The following NOSTRIN variants were observed in gnomAD, a reference collection of about 807,000 sequenced individuals.
NOSTRIN encodes nitric oxide synthase trafficking.
NOSTRIN carries 63 observed loss-of-function variants against 59.0 expected under a neutral mutation model. That is an observed-to-expected ratio of 1.07 (90% CI 0.87 to 1.32). NOSTRIN has a LOEUF of 1.32. NOSTRIN is among the 40% of genes most tolerant of loss of function. The pLI, the probability that NOSTRIN is intolerant of heterozygous loss-of-function variation, is 0.00. For missense variants in NOSTRIN, 512 were observed against 473.1 expected (o/e 1.08, Z -0.76); for synonymous variants, 200 against 165.4 (o/e 1.21, Z -1.61).
Position 168,850,913 on chromosome 2 carries a change from A to G in NOSTRIN, c.631-171A>G, listed in dbSNP as rs777140156. On this transcript the variant is annotated intron_variant, in intron 8 of 15. Coordinates refer to ENST00000317647, the MANE Select transcript of NOSTRIN (RefSeq NM_001039724.4). ...AGTGTGTGAGTGATTTAAGATACCA[A>G]GACACATTCCTTCCTGGAAATCTCC... 3.8e-6 allele frequency: 3 copies of G among 799,084 alleles called. No individual in the cohort carries two copies. The African/African-American group carries it at 5.0e-5, about 13-fold the overall frequency. 49.5% of individuals were successfully genotyped at this position (799,084 alleles called of 1,614,324 possible). A position where few individuals can be genotyped will look rare whatever the true frequency, so the allele number is the denominator to read the frequency against.
intron 11 of NOSTRIN, chr2:168,856,317 C>T: frequency 7.5e-6 from 2 of 265,450 alleles, no homozygotes; most frequent in South Asian, 4.3e-5. Flanking sequence ...TGGCTCACGC[C>T]TATAATCCTA....
intron 2 of NOSTRIN, among the ~76,000 whole-genome samples, chr2:168,823,298 GA>G (rs2105605593): frequency 6.6e-6 from 1 of 152,342 alleles, no homozygotes; most frequent in East Asian, 1.9e-4. Flanking sequence ...TTACAGGCGT[GA>G]GCCACCGCGC....
rs1237698747 is a variant in NOSTRIN at position 168,856,747 on chromosome 2, G to T, written c.1022G>T (p.Ser341Ile). 6.2e-7 allele frequency: 1 copy of T among 1,614,024 alleles called. No individual in the cohort carries two copies. Among genetic ancestry groups the T allele is most frequent in the Non-Finnish European group, 8.5e-7 (1 of 1,180,006 alleles). ...ACCTCCTCCTTCTCTGATGCAAAGA[G>T]CCAGAAAGACACAGCAGCGTTAATG... is the stretch of plus-strand genomic sequence containing the variant. The part of the protein sequence containing the change: ...SSTSSFSDAK[S>I]QKDTAALMDE... Residue 341 changes from serine (S) to isoleucine (I), a missense_variant, in exon 12 of 16, where the codon AGC (serine) becomes ATC (isoleucine). By Grantham distance (142) the Ser-to-Ile change is moderately radical. Coordinates refer to ENST00000317647, the MANE Select transcript of NOSTRIN (RefSeq NM_001039724.4).
At chr2:168,794,477 G>A (rs1469678522), upstream of NOSTRIN, among the ~76,000 whole-genome samples, 1 of 151,410 alleles carries the variant, frequency 6.6e-6, no homozygotes, top group African/African-American at 2.4e-5. Context: ...TCAGCCTCCT[G>A]AGTAGCTGGG....
At position 168,843,060 on chromosome 2, in the gene NOSTRIN, C is replaced by A; in HGVS notation, c.573C>A (p.Asn191Lys). ...AAGATGAAAATTACTACCAAAAAAA[C>A]ATGGCGGGTTATTCTACCAGACTGA... is the stretch of plus-strand genomic sequence containing the variant. ...EKEDENYYQK[N>K]MAGYSTRLKW... is the part of the protein sequence containing the mutation. Residue 191 changes from asparagine (N) to lysine (K), a missense_variant, in exon 8 of 16, where the codon AAC becomes AAA. Coordinates refer to ENST00000317647, the MANE Select transcript of NOSTRIN (RefSeq NM_001039724.4). The A allele has an allele frequency of 1.1e-6, 1 of 872,612 alleles. No individual in the cohort carries two copies. The highest frequency in any genetic ancestry group is 2.4e-5 in the East Asian group (1 of 41,682). The allele number at this position is 872,612 out of a possible 1,614,324, so 54.1% of individuals were successfully genotyped here.
intron 12 of NOSTRIN, among the ~76,000 whole-genome samples, chr2:168,857,340 T>C (rs1227257861): frequency 6.6e-6 from 1 of 152,060 alleles, no homozygotes; most frequent in African/African-American, 2.4e-5. Flanking sequence ...TATCGGAGAA[T>C]AACAGGGGAA....
chr2:168,824,262 T>C (rs2105612301), intron 2 of NOSTRIN, among the ~76,000 whole-genome samples: 1 of 152,214 alleles, frequency 6.6e-6, no homozygotes, highest in African/African-American at 2.4e-5. Context: ...TGTGCATCTG[T>C]GTGTATGTTT....
At chr2:168,834,107 T>A in intron 6 of NOSTRIN, 120 bp from the exon 7 acceptor site, 1 of 626,344 alleles carries the variant, frequency 1.6e-6, no homozygotes, top group Non-Finnish European at 2.9e-6. Context: ...CTTTGGAGGA[T>A]TCTAGGATAC....
chr2:168,843,940 C>T (rs1326635209), intron 8 of NOSTRIN, among the ~76,000 whole-genome samples: 8 of 152,220 alleles, frequency 5.3e-5, no homozygotes, highest in Middle Eastern at 3.4e-3. Context: ...AAAAACTGTA[C>T]GCAATCTTCA....
At position 168,803,239 on chromosome 2, in the gene NOSTRIN, A is replaced by G. The variant is rs191183623; in HGVS notation, c.27+566A>G. 4.1e-4 allele frequency among the ~76,000 whole-genome samples: 63 copies of G among 152,330 alleles called. 1 individual carries two copies. The highest frequency in any genetic ancestry group is 1.2e-4 in the Non-Finnish European group (8 of 68,030). Reference sequence around the variant, plus strand: ...TTGGTAATGTTTGGAGCACTACCAAAAATATAAGTTTGGTCAGAAGTCCAA... The same window carrying G: ...TTGGTAATGTTTGGAGCACTACCAAGAATATAAGTTTGGTCAGAAGTCCAA... On this transcript the variant is annotated intron_variant, in intron 1 of 15. Coordinates refer to ENST00000317647, the MANE Select transcript of NOSTRIN (RefSeq NM_001039724.4).
chr2:168,847,552 T>C (rs1394290028), intron 8 of NOSTRIN, among the ~76,000 whole-genome samples: 2 of 152,240 alleles, frequency 1.3e-5, no homozygotes, highest in Non-Finnish European at 2.9e-5. Flanking sequence ...CTTTGACTTC[T>C]TCCTGTAGTA....
upstream of NOSTRIN, chr2:168,802,494 C>T (rs1347261337): frequency 4.6e-6 from 3 of 653,998 alleles, no homozygotes; most frequent in Non-Finnish European, 8.4e-6. Context: ...GGATGAAAGT[C>T]CAGGGCTGGG....
Position 168,855,357 on chromosome 2 carries a change from A to C in NOSTRIN, c.861A>C (p.Glu287Asp). 4 of 1,549,654 alleles carry C rather than the reference A, an allele frequency of 2.6e-6. No individual in the cohort carries two copies. Among genetic ancestry groups the C allele is most frequent in the Non-Finnish European group, 1.8e-6 (2 of 1,135,982 alleles). ...ATCCTTCTTTTTTCCTAAAGGAAGA[A>C]GATCCTAACAGTGCAATGGATAAAG... ...SEFLLTDYFE[E>D]DPNSAMDKER... The change falls in exon 11 of 16, where the codon GAA becomes GAC. Residue 287 changes from glutamate (E) to aspartate (D), a missense_variant. Coordinates refer to ENST00000317647, the MANE Select transcript of NOSTRIN (RefSeq NM_001039724.4).
intron 15 of NOSTRIN, among the ~76,000 whole-genome samples, chr2:168,863,039 C>T (rs1169868650): frequency 6.6e-6 from 1 of 152,226 alleles, no homozygotes; most frequent in East Asian, 1.9e-4. Flanking sequence ...GACAGACATA[C>T]TTCCCAGATG....
At chr2:168,812,744 C>T (rs1049421403) in intron 2 of NOSTRIN, among the ~76,000 whole-genome samples, 1 of 152,170 alleles carries the variant, frequency 6.6e-6, no homozygotes, top group Non-Finnish European at 1.5e-5. Flanking sequence ...GCACCACCAT[C>T]TCTGAGCAGA....
chr2:168,849,670 CAA>C (rs10650489), intron 8 of NOSTRIN, among the ~76,000 whole-genome samples: 1,839 of 118,672 alleles, frequency 0.015, 19 homozygotes, highest in Non-Finnish European at 0.023. Context: ...CTTGTTTTTA[CAA>C]AAAAAAAAAA....
intron 3 of NOSTRIN, among the ~76,000 whole-genome samples, chr2:168,826,827 T>C (rs1292457220): frequency 6.6e-6 from 1 of 152,244 alleles, no homozygotes; most frequent in African/African-American, 2.4e-5. Context: ...ACCACTAAAA[T>C]CAAAACATAG....
chr2:168,843,728 T>C (rs913485622), intron 8 of NOSTRIN, among the ~76,000 whole-genome samples: 5 of 152,254 alleles, frequency 3.3e-5, no homozygotes, highest in African/African-American at 9.6e-5. Context: ...TATCAAGTGT[T>C]GGTAAGGATG....
chr2:168,854,590 T>C lies in NOSTRIN; in HGVS notation c.856-762T>C, dbSNP rs148205575. Among the ~76,000 whole-genome samples the C allele has an allele frequency of 3.9e-3, 598 of 152,304 alleles. 1 individual carries two copies. The highest frequency in any genetic ancestry group is 6.8e-3 in the Middle Eastern group (2 of 294). On this transcript the variant is annotated intron_variant, in intron 10 of 15. Transcript: ENST00000317647. Reference sequence around the variant, plus strand: ...AATCTAGCCTCAACTCCCTGAACAATTTTTTCTTCCCCTATTTTTTTGCTC... The same window carrying C: ...AATCTAGCCTCAACTCCCTGAACAACTTTTTCTTCCCCTATTTTTTTGCTC...
Sources: allele counts gnomAD v4.1 joint callset (sites outside exome capture counted in the v4.1 genomes callset), GRCh38; gene constraint gnomAD v4.1.1; transcripts MANE v1.5; gene names NCBI Gene and HGNC (gene_info 2026-07-23, HGNC 2026-07-21).